Variants in KATNAL2 observed in about 807,000 individuals in gnomAD.
The protein encoded by KATNAL2 is katanin catalytic subunit A1 like 2, also known as katanin p60 ATPase-containing subunit A-like 2.
Under a neutral mutation model 76.3 loss-of-function variants are expected in KATNAL2, and 52 were observed. That is an observed-to-expected ratio of 0.68 (90% CI 0.55 to 0.86). The LOEUF is 0.86. KATNAL2 is among the 40% of genes least tolerant of loss of function. KATNAL2 has a pLI of 0.00. For missense variants in KATNAL2, 660 were observed against 668.9 expected (o/e 0.99, Z 0.15); for synonymous variants, 243 against 244.2 (o/e 1.00, Z 0.05).
In KATNAL2 at chr18:47,033,627, G is replaced by T. The variant is rs754698908; in HGVS notation, c.52-12830G>T. On this transcript the variant is annotated intron_variant, in intron 3 of 17. Coordinates refer to ENST00000683218, the MANE Select transcript of KATNAL2 (RefSeq NM_001387690.1). Reference sequence around the variant, plus strand: ...GAACCCAGTAGGGGACCTCTCCCACGTCGCTGAGGGCGTCCGGATTGTTTC... The same window carrying T: ...GAACCCAGTAGGGGACCTCTCCCACTTCGCTGAGGGCGTCCGGATTGTTTC... 4.3e-6 allele frequency: 7 copies of T among 1,614,168 alleles called. No homozygotes were observed. In the East Asian group the frequency reaches 1.6e-4, roughly 36 times the overall value.
At chr18:47,083,414 T>C (rs2062622205) in intron 15 of KATNAL2, among the ~76,000 whole-genome samples, 1 of 152,208 alleles carries the variant, frequency 6.6e-6, no homozygotes, top group Non-Finnish European at 1.5e-5. Context: ...TTACAGTTAG[T>C]GGCAGTTCTC....
chr18:46,938,959 A>G (rs72917165), intron 1 of KATNAL2, among the ~76,000 whole-genome samples: 11,712 of 152,208 alleles, frequency 0.077, 487 homozygotes, highest in African/African-American at 0.1. Flanking sequence ...TTGCTAGCAT[A>G]TAAGTTCAGT....
At chr18:46,928,555 T>A (rs1230708033) in intron 1 of KATNAL2, among the ~76,000 whole-genome samples, 2 of 152,192 alleles carry the variant, frequency 1.3e-5, no homozygotes, top group African/African-American at 2.4e-5. Context: ...GGAGGCAGTG[T>A]GCCTGATTTC....
At chr18:47,031,350 G>T (rs976120722) in intron 3 of KATNAL2, among the ~76,000 whole-genome samples, 6 of 151,790 alleles carry the variant, frequency 4.0e-5, no homozygotes, top group Non-Finnish European at 7.4e-5. Flanking sequence ...TTCGGCTTTT[G>T]TTTCTGCTGT....
chr18:47,087,047 T>C (rs934542822), intron 15 of KATNAL2, among the ~76,000 whole-genome samples: 1 of 152,244 alleles, frequency 6.6e-6, no homozygotes, highest in East Asian at 1.9e-4. Context: ...AAAATACTTC[T>C]GATTTCACCA....
intron 3 of KATNAL2, among the ~76,000 whole-genome samples, chr18:47,031,463 C>T (rs534260500): frequency 6.6e-6 from 1 of 151,964 alleles, no homozygotes; most frequent in Non-Finnish European, 1.5e-5. Flanking sequence ...TGTGTTTCTT[C>T]TGCAGAAAGA....
At chr18:47,032,988 A>T (rs199820971) in intron 3 of KATNAL2, 2 of 1,613,890 alleles carry the variant, frequency 1.2e-6, no homozygotes, top group Non-Finnish European at 1.7e-6. Context: ...TTTATCTGCA[A>T]GGCAAGTCCT....
rs764966444 is a variant in KATNAL2 at position 47,063,094 on chromosome 18, C to T, written c.648+24C>T. Reference sequence around the variant, plus strand: ...CAGTAAGTGGCGAAGATGTGACATTCATCTTTCAAATTGCCAACATCCAGA... The same window carrying T: ...CAGTAAGTGGCGAAGATGTGACATTTATCTTTCAAATTGCCAACATCCAGA... On this transcript the variant is annotated intron_variant, in intron 9 of 17. Coordinates refer to ENST00000683218, the MANE Select transcript of KATNAL2 (RefSeq NM_001387690.1). The T allele has an allele frequency of 1.4e-5, 23 of 1,589,924 alleles. No homozygotes were observed. In the East Asian group the frequency reaches 5.1e-4, roughly 36 times the overall value.
chr18:46,920,371 A>T (rs1022254189), intron 1 of KATNAL2, among the ~76,000 whole-genome samples: 5 of 152,182 alleles, frequency 3.3e-5, no homozygotes, highest in African/African-American at 1.2e-4. Context: ...ACTTTCTGGC[A>T]TGTGGAACAC....
intron 15 of KATNAL2, among the ~76,000 whole-genome samples, chr18:47,082,436 CAT>C (rs1491406107): frequency 2.6e-5 from 4 of 152,110 alleles, no homozygotes; most frequent in African/African-American, 9.7e-5. Context: ...ATAAACATCA[CAT>C]AGAGATAAGC....
intron 3 of KATNAL2, chr18:47,035,295 CG>C (rs2060717790): frequency 6.2e-7 from 1 of 1,611,718 alleles, no homozygotes; most frequent in Non-Finnish European, 8.5e-7. Flanking sequence ...GTCGCTGTCC[CG>C]GCGGTCGCAG....
chr18:46,946,324 A>T lies in KATNAL2; in HGVS notation c.-242A>T. The T allele has an allele frequency of 9.6e-7, 1 of 1,036,612 alleles. No homozygotes were observed. The highest frequency in any genetic ancestry group is 1.2e-6 in the Non-Finnish European group (1 of 858,422). 64.2% of individuals were successfully genotyped at this position (1,036,612 alleles called of 1,614,324 possible). ...GAGAAGGGGAAGTTTGGTGATGCAC[A>T]GTTTGCATCCCAGAAGGCTCTTGAC... On this transcript the variant is annotated 5_prime_UTR_variant, in exon 2 of 18. Transcript: ENST00000683218.
intron 3 of KATNAL2, among the ~76,000 whole-genome samples, chr18:46,966,037 T>C (rs1302371557): frequency 1.2e-3 from 179 of 150,470 alleles, no homozygotes; most frequent in South Asian, 4.2e-3. Flanking sequence ...TGTGTGTCTC[T>C]TCTGCAGAAA....
At chr18:47,031,017 C>A (rs1270292149) in intron 3 of KATNAL2, among the ~76,000 whole-genome samples, 3 of 30,780 alleles carry the variant, frequency 9.7e-5, no homozygotes, top group Non-Finnish European at 3.3e-4. Context: ...GCATCTCCCC[C>A]CCCCCCCCCC....
chr18:46,937,389 A>G (rs2059125124), intron 1 of KATNAL2, among the ~76,000 whole-genome samples: 1 of 151,908 alleles, frequency 6.6e-6, no homozygotes, highest in Non-Finnish European at 1.5e-5. Context: ...TAAAATTTTT[A>G]TTATTATTAT....
Position 47,096,399 on chromosome 18 carries a change from T to C in KATNAL2, c.1212-2844T>C, listed in dbSNP as rs144681874. On this transcript the variant is annotated intron_variant, in intron 15 of 17. Transcript: ENST00000683218. Reference sequence around the variant, plus strand: ...TTCTGTCACTCAGGCTGGAGTGCAATAGTATGATCTCGGCTCACTACAACC... The same window carrying C: ...TTCTGTCACTCAGGCTGGAGTGCAACAGTATGATCTCGGCTCACTACAACC... Among the ~76,000 whole-genome samples the C allele has an allele frequency of 3.8e-3, 581 of 152,320 alleles. 1 individual carries two copies. Among genetic ancestry groups the C allele is most frequent in the African/African-American group, 0.013 (545 of 41,574 alleles).
intron 3 of KATNAL2, among the ~76,000 whole-genome samples, chr18:46,949,988 C>T (rs879622556): frequency 6.6e-6 from 1 of 152,126 alleles, no homozygotes; most frequent in Admixed American, 6.5e-5. Flanking sequence ...CAAATCTTGA[C>T]AAGACCTACA....
chr18:47,077,997 A>C (rs895897177), intron 15 of KATNAL2, among the ~76,000 whole-genome samples: 5 of 152,190 alleles, frequency 3.3e-5, no homozygotes, highest in African/African-American at 1.2e-4. Context: ...GAAATAAGAG[A>C]TGTTGATTAG....
intron 1 of KATNAL2, among the ~76,000 whole-genome samples, chr18:46,942,767 G>C (rs2059282767): frequency 6.6e-6 from 1 of 151,232 alleles, no homozygotes; most frequent in African/African-American, 2.4e-5. Flanking sequence ...GTAATTCCTG[G>C]ATATGATTCT....
Sources: allele counts gnomAD v4.1 joint callset (sites outside exome capture counted in the v4.1 genomes callset), GRCh38; gene constraint gnomAD v4.1.1; transcripts MANE v1.5; gene names NCBI Gene and HGNC (gene_info 2026-07-23, HGNC 2026-07-21).